Variants in TEAD1 observed in about 807,000 individuals in gnomAD.
TEAD1 encodes TEA domain transcription factor 1.
A neutral mutation model predicts 54.9 loss-of-function variants in TEAD1; 9 were observed. The ratio of observed to expected loss-of-function variants is 0.16; its 90% CI spans 0.10 to 0.29. The LOEUF (loss-of-function observed/expected upper bound fraction) is 0.29, where lower values mean the gene tolerates loss of function less well. Ranked by LOEUF, TEAD1 falls within the 10% of genes least tolerant of loss-of-function variation. The pLI, the probability that TEAD1 is intolerant of heterozygous loss-of-function variation, is 1.00. For missense variants in TEAD1, 387 were observed against 535.9 expected (o/e 0.72, Z 2.74); for synonymous variants, 200 against 187.8 (o/e 1.07, Z -0.53).
Position 12,807,769 on chromosome 11 carries a change from G to T in TEAD1, c.202+43335G>T, listed in dbSNP as rs796773197. Among the ~76,000 whole-genome samples, 3 of 152,324 alleles carry T rather than the reference G, an allele frequency of 2.0e-5. No individual in the cohort carries two copies. In the South Asian group the frequency reaches 6.2e-4, roughly 32 times the overall value. ...CACTGTGGATGATGGGCCTTCTCCC[G>T]GAGTTTACCTGTTAAGGTGAAGTAG... On this transcript the variant is annotated intron_variant, in intron 3 of 12. Coordinates refer to ENST00000527636, the MANE Select transcript of TEAD1 (RefSeq NM_021961.6).
chr11:12,750,548 T>TAGAC (rs150797190), intron 2 of TEAD1, among the ~76,000 whole-genome samples: 1,524 of 152,140 alleles, frequency 0.01, 11 homozygotes, highest in Non-Finnish European at 0.014. Flanking sequence ...TCTTCCCAAG[T>TAGAC]AGACAGACAG....
At chr11:12,840,509 TA>T (rs1947013223) in intron 3 of TEAD1, among the ~76,000 whole-genome samples, 1 of 152,186 alleles carries the variant, frequency 6.6e-6, no homozygotes, top group Non-Finnish European at 1.5e-5. Context: ...TTCTGCGTAA[TA>T]GTCTTTCACT....
At chr11:12,795,688 C>CT (rs928555642) in intron 3 of TEAD1, among the ~76,000 whole-genome samples, 14 of 152,110 alleles carry the variant, frequency 9.2e-5, no homozygotes, top group East Asian at 1.9e-4. Context: ...CACCTGAGAG[C>CT]TTTTTTTGGA....
At chr11:12,772,237 C>T (rs1207072149) in intron 3 of TEAD1, among the ~76,000 whole-genome samples, 1 of 152,142 alleles carries the variant, frequency 6.6e-6, no homozygotes, top group African/African-American at 2.4e-5. Context: ...AGAGTTTGAC[C>T]ATGCATGGAA....
chr11:12,811,806 G>T (rs887061117), intron 3 of TEAD1, among the ~76,000 whole-genome samples: 1 of 139,668 alleles, frequency 7.2e-6, no homozygotes, highest in Admixed American at 7.3e-5. Flanking sequence ...CGGGATGGGG[G>T]TGCAGGCCTT....
At chr11:12,749,194 G>A (rs540565420) in intron 2 of TEAD1, among the ~76,000 whole-genome samples, 38 of 152,200 alleles carry the variant, frequency 2.5e-4, no homozygotes, top group African/African-American at 8.9e-4. Flanking sequence ...CATCCCCTAC[G>A]TAGAGTCACC....
chr11:12,756,475 A>C (rs1014776787), intron 2 of TEAD1, among the ~76,000 whole-genome samples: 1 of 152,210 alleles, frequency 6.6e-6, no homozygotes, highest in Non-Finnish European at 1.5e-5. Flanking sequence ...CTAGTGTCTT[A>C]AATGGTAGGA....
chr11:12,933,388 G>A (rs1475027456), intron 12 of TEAD1, among the ~76,000 whole-genome samples: 1 of 152,110 alleles, frequency 6.6e-6, no homozygotes, highest in African/African-American at 2.4e-5. Flanking sequence ...TCATCTAATT[G>A]ATGAACAGGA....
rs578220911 is a variant in TEAD1 at position 12,777,500 on chromosome 11, A to G, written c.202+13066A>G. ...TAGCTTCCATGACCGCTTAGAAGAG[A>G]TTGTTGTTTATGACAGCTTTTATTG... On this transcript the variant is annotated intron_variant, in intron 3 of 12. Transcript: ENST00000527636. Among the ~76,000 whole-genome samples, 9 of 152,224 alleles carry G rather than the reference A, an allele frequency of 5.9e-5. No individual in the cohort carries two copies. In the East Asian group the frequency reaches 1.7e-3, roughly 29 times the overall value.
chr11:12,858,192 A>G (rs1947430424), intron 3 of TEAD1, among the ~76,000 whole-genome samples: 1 of 152,212 alleles, frequency 6.6e-6, no homozygotes, highest in African/African-American at 2.4e-5. Context: ...TTGATACACC[A>G]TGCATATACA....
chr11:12,830,551 C>A (rs1241162572), intron 3 of TEAD1, among the ~76,000 whole-genome samples: 1 of 152,092 alleles, frequency 6.6e-6, no homozygotes, highest in African/African-American at 2.4e-5. Flanking sequence ...CTGCAGCCTC[C>A]CCACACGACA....
At chr11:12,746,521 C>T (rs1944747604) in intron 2 of TEAD1, among the ~76,000 whole-genome samples, 1 of 152,136 alleles carries the variant, frequency 6.6e-6, no homozygotes, top group Admixed American at 6.5e-5. Flanking sequence ...ATATGTTACC[C>T]TGATTAGGTA....
chr11:12,910,897 C>T (rs907796743), intron 10 of TEAD1, among the ~76,000 whole-genome samples: 12 of 152,074 alleles, frequency 7.9e-5, no homozygotes, highest in Non-Finnish European at 2.9e-5. Flanking sequence ...CAGGCACCTG[C>T]CACTGTGCCC....
At chr11:12,815,996 T>C (rs188420735) in intron 3 of TEAD1, among the ~76,000 whole-genome samples, 1 of 152,278 alleles carries the variant, frequency 6.6e-6, no homozygotes, top group Admixed American at 6.5e-5. Context: ...AGGACTGAGG[T>C]CCTTTTAGGT....
chr11:12,850,877 A>G (rs1382742017), intron 3 of TEAD1, among the ~76,000 whole-genome samples: 2 of 152,188 alleles, frequency 1.3e-5, no homozygotes, highest in African/African-American at 2.4e-5. Flanking sequence ...GGGAAGTGGC[A>G]GGGACATGGG....
chr11:12,851,432 C>T (rs1267297782), intron 3 of TEAD1, among the ~76,000 whole-genome samples: 1 of 152,142 alleles, frequency 6.6e-6, no homozygotes, highest in African/African-American at 2.4e-5. Flanking sequence ...ACTATGGTAG[C>T]CATTTTATTA....
rs183301582 is a variant in TEAD1 at position 12,737,168 on chromosome 11, G to A, written c.-54-27011G>A. ...GAGGAGACGGAGGCCTAGGTAGGGGGAAAAAAGGAATTGCTCAGTTACATT... is the reference window on the plus strand; with the variant it reads ...GAGGAGACGGAGGCCTAGGTAGGGGAAAAAAAGGAATTGCTCAGTTACATT... On this transcript the variant is annotated intron_variant, in intron 2 of 12. Coordinates refer to ENST00000527636, the MANE Select transcript of TEAD1 (RefSeq NM_021961.6). 4.1e-3 allele frequency among the ~76,000 whole-genome samples: 624 copies of A among 152,038 alleles called. 4 individuals are homozygous for A. The highest frequency in any genetic ancestry group is 7.1e-3 in the Non-Finnish European group (479 of 67,942).
intron 2 of TEAD1, among the ~76,000 whole-genome samples, chr11:12,728,698 C>A (rs549119055): frequency 1.3e-5 from 2 of 152,188 alleles, no homozygotes; most frequent in Non-Finnish European, 2.9e-5. Flanking sequence ...GTTTGACTTG[C>A]AAGCCTGTGG....
intron 9 of TEAD1, among the ~76,000 whole-genome samples, chr11:12,894,468 G>T (rs1172443244): frequency 6.6e-6 from 1 of 152,154 alleles, no homozygotes; most frequent in Non-Finnish European, 1.5e-5. Context: ...ACTGTTGGAA[G>T]TTGTACTGTT....
Sources: allele counts gnomAD v4.1 joint callset (sites outside exome capture counted in the v4.1 genomes callset), GRCh38; gene constraint gnomAD v4.1.1; transcripts MANE v1.5; gene names NCBI Gene and HGNC (gene_info 2026-07-23, HGNC 2026-07-21).